The following BCAS3 variants were observed in gnomAD, a reference collection of about 807,000 sequenced individuals.
BCAS3 encodes the protein BCAS4/BCAS3 fusion.
Under a neutral mutation model 116.1 loss-of-function variants are expected in BCAS3, and 53 were observed. The ratio of observed to expected loss-of-function variants is 0.46; its 90% CI spans 0.37 to 0.57. The LOEUF (loss-of-function observed/expected upper bound fraction) is 0.57, where lower values mean the gene tolerates loss of function less well. BCAS3 is among the 20% of genes least tolerant of loss of function. The pLI is 0.00. For missense variants in BCAS3, 917 were observed against 1,165.4 expected (o/e 0.79, Z 3.10); for synonymous variants, 391 against 408.2 (o/e 0.96, Z 0.51).
chr17:61,390,045 C>G lies in BCAS3; in HGVS notation c.2594-1932C>G, dbSNP rs773912241. The stretch of plus-strand genomic sequence containing the variant: ...GCTTTCTTCCTTAGGCCTGGCGGCC[C>G]GATCCTAAGGAAGCCCCTGCTTTTC... On this transcript the variant is annotated intron_variant, in intron 23 of 23. Transcript: ENST00000407086. The surrounding 1 kb of genome is among the most constrained non-coding windows in gnomAD (Gnocchi z 6.8). 6 of 152,434 alleles carry G rather than the reference C, an allele frequency of 3.9e-5. No individual in the cohort carries two copies. Among genetic ancestry groups the G allele is most frequent in the South Asian group, 2.1e-4 (1 of 4,830 alleles). The allele number at this position is 152,434 out of a possible 1,614,324, so 9.4% of individuals were successfully genotyped here.
intron 19 of BCAS3, among the ~76,000 whole-genome samples, chr17:61,058,146 A>G (rs1045232946): frequency 2.6e-5 from 4 of 152,022 alleles, no homozygotes; most frequent in Admixed American, 2.6e-4. Flanking sequence ...TTTCTTACTG[A>G]AAGTAACCAG....
In BCAS3 at chr17:61,094,783, G is replaced by T. The variant is rs577391391; in HGVS notation, c.2425+10219G>T. ...CGCTTGAACCCGGGAGGCAGAGGTT[G>T]CAGTGAGCCAAGATCGTGCCATTGC... is the stretch of plus-strand genomic sequence containing the variant. On this transcript the variant is annotated intron_variant, in intron 22 of 23. Coordinates refer to ENST00000407086, the MANE Select transcript of BCAS3 (RefSeq NM_017679.5). 1.3e-4 allele frequency among the ~76,000 whole-genome samples: 20 copies of T among 152,286 alleles called. No homozygotes were observed. The South Asian group carries it at 3.7e-3, about 28-fold the overall frequency.
At position 61,307,419 on chromosome 17, in the gene BCAS3, T is replaced by C. The variant is rs149269414; in HGVS notation, c.2426-60908T>C. Among the ~76,000 whole-genome samples, 911 of 152,344 alleles carry C rather than the reference T, an allele frequency of 6.0e-3. 16 individuals are homozygous for C. Among genetic ancestry groups the C allele is most frequent in the African/African-American group, 0.021 (858 of 41,588 alleles). ...TAATCTCAGAGAAGAATCTAACCCA[T>C]GTTTTCTTTTTCCCATTGCATTTAC... is the stretch of plus-strand genomic sequence containing the variant. On this transcript the variant is annotated intron_variant, in intron 22 of 23. Transcript: ENST00000407086. The surrounding 1 kb of genome is among the most constrained non-coding windows in gnomAD (Gnocchi z 4.7).
chr17:60,980,189 A>G (rs983138985), intron 14 of BCAS3, among the ~76,000 whole-genome samples: 2 of 152,198 alleles, frequency 1.3e-5, no homozygotes, highest in Non-Finnish European at 2.9e-5. Flanking sequence ...TTATTGGTCT[A>G]TTCAGAGATT....
Position 61,087,243 on chromosome 17 carries a change from A to C in BCAS3, c.2425+2679A>C, listed in dbSNP as rs1385172601. 1.0e-6 allele frequency: 1 copy of C among 984,402 alleles called. No individual in the cohort carries two copies. The highest frequency in any genetic ancestry group is 5.2e-4 in the Middle Eastern group (1 of 1,934). The allele number at this position is 984,402 out of a possible 1,614,324, so 61.0% of individuals were successfully genotyped here. On this transcript the variant is annotated intron_variant, in intron 22 of 23. Coordinates refer to ENST00000407086, the MANE Select transcript of BCAS3 (RefSeq NM_017679.5). This position sits in a 1 kb window ranked among gnomAD's most constrained non-coding sequence, Gnocchi z 4.6. ...TTGCCTGTTACTTGGAGATACGACC[A>C]GTGTGGCACCTCCTCTGTTGGTCTT... is the stretch of plus-strand genomic sequence containing the variant.
chr17:61,143,449 A>G (rs2077030986), intron 22 of BCAS3, among the ~76,000 whole-genome samples: 1 of 152,244 alleles, frequency 6.6e-6, no homozygotes, highest in Non-Finnish European at 1.5e-5. Context: ...TGTTTTTTAA[A>G]GAAAAATAGA....
chr17:61,038,249 T>A lies in BCAS3; in HGVS notation c.1928+195T>A, dbSNP rs931117693. On this transcript the variant is annotated intron_variant, in intron 18 of 23. Transcript: ENST00000407086. ...CTCTCCTTCTTTCACCCCCTTTGTC[T>A]CTACAGATTAGTTTACAGTTTCTAG... 2.6e-5 allele frequency among the ~76,000 whole-genome samples: 4 copies of A among 151,928 alleles called. No homozygotes were observed. In the East Asian group the frequency reaches 7.7e-4, roughly 29 times the overall value.
At chr17:60,900,441 GT>G (rs1472079075) in intron 10 of BCAS3, among the ~76,000 whole-genome samples, 1 of 152,094 alleles carries the variant, frequency 6.6e-6, no homozygotes, top group East Asian at 1.9e-4. Context: ...CTTGCCTTGT[GT>G]TGGGAAGCCA....
intron 6 of BCAS3, 45 bp from the exon 7 acceptor site, chr17:60,807,959 A>G (rs761827646): frequency 8.2e-6 from 11 of 1,345,132 alleles, no homozygotes; most frequent in South Asian, 1.2e-5. Flanking sequence ...GAATTATACA[A>G]TAATATTCCT....
chr17:60,882,508 T>G (rs1356458137), intron 9 of BCAS3, among the ~76,000 whole-genome samples: 1 of 152,130 alleles, frequency 6.6e-6, no homozygotes, highest in African/African-American at 2.4e-5. Flanking sequence ...GGACATGAAG[T>G]CCTTGCCCAT....
rs111849513 is a variant in BCAS3 at position 60,805,105 on chromosome 17, C to T, written c.404-2899C>T. Reference sequence around the variant, plus strand: ...CACAATTTTAAAGATATATAGTTATCGTTATATAAATAACATATTTATATG... The same window carrying T: ...CACAATTTTAAAGATATATAGTTATTGTTATATAAATAACATATTTATATG... On this transcript the variant is annotated intron_variant, in intron 6 of 23. Transcript: ENST00000407086. 4.0e-3 allele frequency among the ~76,000 whole-genome samples: 598 copies of T among 150,936 alleles called. 4 individuals carry two copies. Among genetic ancestry groups the T allele is most frequent in the African/African-American group, 0.013 (552 of 41,120 alleles).
At chr17:61,116,956 T>C (rs1381761287) in intron 22 of BCAS3, among the ~76,000 whole-genome samples, 1 of 152,238 alleles carries the variant, frequency 6.6e-6, no homozygotes, top group Non-Finnish European at 1.5e-5. Flanking sequence ...ACCTATGATG[T>C]GTCTTCTAGT....
intron 22 of BCAS3, among the ~76,000 whole-genome samples, chr17:61,318,361 G>C (rs1446642671): frequency 6.6e-6 from 1 of 152,152 alleles, no homozygotes; most frequent in Non-Finnish European, 1.5e-5. Context: ...GCAGTGTCCT[G>C]TCTGCACTCC....
At chr17:61,322,340 G>A (rs2055290480) in intron 22 of BCAS3, among the ~76,000 whole-genome samples, 1 of 152,208 alleles carries the variant, frequency 6.6e-6, no homozygotes, top group African/African-American at 2.4e-5. Flanking sequence ...CTAGGCTCTG[G>A]GAGACTGTTT....
rs562978852 is a variant in BCAS3 at position 61,124,721 on chromosome 17, C to T, written c.2425+40157C>T. Among the ~76,000 whole-genome samples, 18 of 152,238 alleles carry T rather than the reference C, an allele frequency of 1.2e-4. No homozygotes were observed. In the South Asian group the frequency reaches 3.5e-3, roughly 30 times the overall value. On this transcript the variant is annotated intron_variant, in intron 22 of 23. Coordinates refer to ENST00000407086, the MANE Select transcript of BCAS3 (RefSeq NM_017679.5). This position sits in a 1 kb window ranked among gnomAD's most constrained non-coding sequence, Gnocchi z 4.6. ...TATAGTTCATTTTCCATATATTACTCAGCATTATGGGTCTGCCTGCCAAGT... is the reference window on the plus strand; with the variant it reads ...TATAGTTCATTTTCCATATATTACTTAGCATTATGGGTCTGCCTGCCAAGT...
In BCAS3 at chr17:61,228,563, A is replaced by C. The variant is rs1319613260; in HGVS notation, c.2426-139764A>C. On this transcript the variant is annotated intron_variant, in intron 22 of 23. Coordinates refer to ENST00000407086, the MANE Select transcript of BCAS3 (RefSeq NM_017679.5). This position sits in a 1 kb window ranked among gnomAD's most constrained non-coding sequence, Gnocchi z 5.0. ...TCACTTCGTGTCTCTGTGTCATACT[A>C]TGGTAATTGTCACCAGCTTTCAAAC... 1.3e-5 allele frequency among the ~76,000 whole-genome samples: 2 copies of C among 152,220 alleles called. No individual in the cohort carries two copies. Among genetic ancestry groups the C allele is most frequent in the East Asian group, 3.8e-4 (2 of 5,196 alleles).
rs971481815 is a variant in BCAS3, at chr17:61,339,723, G to A, written c.2426-28604G>A. Among the ~76,000 whole-genome samples, 6 of 151,016 alleles carry A rather than the reference G, an allele frequency of 4.0e-5. No homozygotes were observed. In the East Asian group the frequency reaches 7.8e-4, roughly 20 times the overall value. The stretch of plus-strand genomic sequence containing the variant: ...GGCGGTTACAGTGAGCTGAGATCGC[G>A]CCACTGTACTCCAGTCGGGGCGACA... On this transcript the variant is annotated intron_variant, in intron 22 of 23. Coordinates refer to ENST00000407086, the MANE Select transcript of BCAS3 (RefSeq NM_017679.5). This position sits in a 1 kb window ranked among gnomAD's most constrained non-coding sequence, Gnocchi z 4.4.
intron 7 of BCAS3, among the ~76,000 whole-genome samples, chr17:60,838,096 T>C (rs571957552): frequency 5.9e-5 from 9 of 151,870 alleles, no homozygotes; most frequent in Non-Finnish European, 1.2e-4. Flanking sequence ...ACCCCACAAA[T>C]TGATCACAGA....
intron 12 of BCAS3, among the ~76,000 whole-genome samples, chr17:60,921,870 T>TA (rs1160316320): frequency 6.6e-6 from 1 of 151,970 alleles, no homozygotes; most frequent in Non-Finnish European, 1.5e-5. Flanking sequence ...ATAGTAATAT[T>TA]AAAGACTTTA....
Sources: allele counts gnomAD v4.1 joint callset (sites outside exome capture counted in the v4.1 genomes callset), GRCh38; gene constraint gnomAD v4.1.1; non-coding constraint Gnocchi (gnomAD v3.1); transcripts MANE v1.5; gene names NCBI Gene and HGNC (gene_info 2026-07-23, HGNC 2026-07-21).